Variants in PPP2R5C observed in about 807,000 individuals in gnomAD.
The protein encoded by PPP2R5C is serine/threonine-protein phosphatase 2A 56 kDa regulatory subunit gamma isoform.
PPP2R5C carries 7 observed loss-of-function variants against 68.9 expected under a neutral mutation model. The observed-to-expected ratio is 0.10, with a 90% confidence interval of 0.06 to 0.19. PPP2R5C has a LOEUF of 0.19. PPP2R5C is among the 10% of genes least tolerant of loss of function. The probability of loss-of-function intolerance (pLI) is 1.00; values close to 1 mark genes in which losing one functional copy is unlikely to be tolerated. For synonymous variants in PPP2R5C, 210 were observed against 222.2 expected, an observed-to-expected ratio of 0.95 and a Z score of 0.49; for missense variants, 348 against 641.3, an observed-to-expected ratio of 0.54 and a Z score of 4.94.
chr14:101,925,161 G>T lies in PPP2R5C; in HGVS notation c.1464G>T (p.Lys488Asn). 1.2e-6 allele frequency: 2 copies of T among 1,614,100 alleles called. No homozygotes were observed. The highest frequency in any genetic ancestry group is 1.7e-5 in the Admixed American group (1 of 60,024). Residue 488 changes from lysine (K) to asparagine (N), a missense_variant, in exon 14 of 14, where the codon AAG (lysine) becomes AAT (asparagine). Physicochemically the swap from Lys to Asn is moderately conservative, Grantham distance 94. Coordinates refer to ENST00000334743, the Ensembl canonical transcript of PPP2R5C. Reference sequence around the variant, plus strand: ...TCCAGGCACAGAAAGATCCGAAGAAGGACCGTCCTCTTGCACGCCGCAAGT... The same window carrying T: ...TCCAGGCACAGAAAGATCCGAAGAATGACCGTCCTCTTGCACGCCGCAAGT...
intron 1 of PPP2R5C, among the ~76,000 whole-genome samples, chr14:101,842,773 T>TA (rs2062369885): frequency 6.7e-6 from 1 of 150,130 alleles, no homozygotes; most frequent in Non-Finnish European, 1.5e-5. Flanking sequence ...TTTTTTTTTT[T>TA]ACTTTATTAA....
intron 2 of PPP2R5C, among the ~76,000 whole-genome samples, chr14:101,785,584 G>A (rs1040722839): frequency 2.0e-5 from 3 of 152,066 alleles, no homozygotes; most frequent in African/African-American, 7.2e-5. Context: ...CTCTTGTAAT[G>A]ACCTGTGTGA....
intron 2 of PPP2R5C, among the ~76,000 whole-genome samples, chr14:101,780,118 C>T (rs942017644): frequency 4.6e-5 from 7 of 152,108 alleles, no homozygotes. Flanking sequence ...ATTTGTAAGT[C>T]CCACCTGTGG....
chr14:101,911,668 A>C (rs2046398806), intron 11 of PPP2R5C, among the ~76,000 whole-genome samples: 1 of 152,026 alleles, frequency 6.6e-6, no homozygotes, highest in South Asian at 2.1e-4. Context: ...GGATCATTTG[A>C]GGTCAGGAGT....
At chr14:101,883,174 A>G in intron 3 of PPP2R5C, 83 bp from the exon 6 acceptor site, 1 of 970,202 alleles carries the variant, frequency 1.0e-6, no homozygotes, top group Non-Finnish European at 1.5e-6. Context: ...TTGCATACCA[A>G]TAAAGATTCA....
At chr14:101,804,262 A>C (rs2038987426) in intron 3 of PPP2R5C, among the ~76,000 whole-genome samples, 1 of 152,234 alleles carries the variant, frequency 6.6e-6, no homozygotes, top group Admixed American at 6.5e-5. Flanking sequence ...ACCCTCGTAC[A>C]CTGTTGTTAG....
rs938386043 is a variant in PPP2R5C, at chr14:101,912,306, G to T, written c.1254-95G>T. On this transcript the variant is annotated intron_variant, in intron 11 of 13. Transcript: ENST00000334743. ...GAGCAGGGGGGCTGCGGGAGGAGCCGCTGGCTGGGCTCAACATGCCTGTGC... is the reference window on the plus strand; with the variant it reads ...GAGCAGGGGGGCTGCGGGAGGAGCCTCTGGCTGGGCTCAACATGCCTGTGC... The T allele has an allele frequency of 3.6e-5, 38 of 1,052,870 alleles. No homozygotes were observed. The Admixed American group carries it at 6.4e-4, about 18-fold the overall frequency. The allele number at this position is 1,052,870 out of a possible 1,614,324, so 65.2% of individuals were successfully genotyped here. A position where few individuals can be genotyped will look rare whatever the true frequency, so the allele number is the denominator to read the frequency against.
At chr14:101,851,995 G>A (rs191905943) in intron 1 of PPP2R5C, among the ~76,000 whole-genome samples, 1 of 152,306 alleles carries the variant, frequency 6.6e-6, no homozygotes. Context: ...GAAGTTGGCT[G>A]TGGTATTCGC....
chr14:101,826,046 A>T (rs937841829), intron 1 of PPP2R5C, among the ~76,000 whole-genome samples: 1 of 152,228 alleles, frequency 6.6e-6, no homozygotes, highest in Non-Finnish European at 1.5e-5. Flanking sequence ...TACTCCGAGA[A>T]CCAAGCCTTT....
intron 2 of PPP2R5C, among the ~76,000 whole-genome samples, chr14:101,779,513 C>T (rs1324174843): frequency 1.3e-5 from 2 of 152,082 alleles, no homozygotes; most frequent in Non-Finnish European, 2.9e-5. Context: ...GCATTTCATG[C>T]TGAAGAAACA....
chr14:101,826,740 G>C (rs2040422847), intron 1 of PPP2R5C, among the ~76,000 whole-genome samples: 1 of 151,916 alleles, frequency 6.6e-6, no homozygotes, highest in South Asian at 2.1e-4. Flanking sequence ...GCCTTTCCTG[G>C]GTTAGAATCA....
chr14:101,918,797 G>A (rs541528507), intron 13 of PPP2R5C, among the ~76,000 whole-genome samples: 29 of 148,696 alleles, frequency 2.0e-4, no homozygotes, highest in Non-Finnish European at 3.6e-4. Flanking sequence ...TTCAAGGAGC[G>A]TTTCAGCTGC....
chr14:101,802,385 C>T (rs1455216434), intron 3 of PPP2R5C, among the ~76,000 whole-genome samples: 1 of 152,066 alleles, frequency 6.6e-6, no homozygotes, highest in East Asian at 1.9e-4. Flanking sequence ...GCACACCAGC[C>T]TTGTGACAGA....
rs960565422 is a variant in PPP2R5C at position 101,891,093 on chromosome 14, C to T, written c.689+797C>T. The stretch of plus-strand genomic sequence containing the variant: ...GGCCACTTTTATTTAATTGATAACC[C>T]GTAGATTTTATATTAGACCTTCTAA... On this transcript the variant is annotated intron_variant, in intron 6 of 13. Transcript: ENST00000334743. The surrounding 1 kb of genome is among the most constrained non-coding windows in gnomAD (Gnocchi z 4.9). Among the ~76,000 whole-genome samples, 1 of 152,080 alleles carries T rather than the reference C, an allele frequency of 6.6e-6. No individual in the cohort carries two copies. The highest frequency in any genetic ancestry group is 1.5e-5 in the Non-Finnish European group (1 of 68,016).
intron 5 of PPP2R5C, among the ~76,000 whole-genome samples, chr14:101,884,674 A>T (rs1376045098): frequency 6.6e-6 from 1 of 152,198 alleles, no homozygotes; most frequent in Non-Finnish European, 1.5e-5. Flanking sequence ...GCTCAGCTCC[A>T]GGCTCCTTCC....
At chr14:101,887,949 C>A (rs2044633895) in intron 5 of PPP2R5C, among the ~76,000 whole-genome samples, 1 of 152,052 alleles carries the variant, frequency 6.6e-6, no homozygotes, top group Admixed American at 6.6e-5. Context: ...TGTTTCCCTC[C>A]CAGGGTGTCC....
chr14:101,792,878 CTTTTCTT>C (rs2038423671), intron 3 of PPP2R5C, among the ~76,000 whole-genome samples: 1 of 113,906 alleles, frequency 8.8e-6, no homozygotes, highest in Non-Finnish European at 1.9e-5. Context: ...AGCCATTTTT[CTTTTCTT>C]TTTTTTTTTT....
chr14:101,836,728 T>G, intron 1 of PPP2R5C: 1 of 226,358 alleles, frequency 4.4e-6, no homozygotes, highest in Non-Finnish European at 8.8e-6. Flanking sequence ...TAAGAAGAGA[T>G]AGGTAATATA....
upstream of PPP2R5C, chr14:101,761,803 C>A: frequency 1.1e-6 from 1 of 897,328 alleles, no homozygotes; most frequent in Non-Finnish European, 1.3e-6. Context: ...CGGCGGCGGC[C>A]GCGGGGGCGC....
Sources: gnomAD v4.1 joint callset for allele counts (sites outside exome capture counted in the v4.1 genomes callset) on GRCh38, gnomAD v4.1.1 for gene constraint, Gnocchi (gnomAD v3.1) non-coding constraint, MANE v1.5 for transcripts, NCBI Gene and HGNC (gene_info 2026-07-23, HGNC 2026-07-21) for gene names.